ITGA1: variants seen among roughly 807,000 people sequenced by gnomAD.
ITGA1 encodes the protein integrin subunit alpha 1, also known as integrin alpha-1.
Under a neutral mutation model 145.9 loss-of-function variants are expected in ITGA1, and 85 were observed. That is an observed-to-expected ratio of 0.58 (90% CI 0.49 to 0.70). The LOEUF is 0.70. Ranked by LOEUF, ITGA1 falls within the 30% of genes least tolerant of loss-of-function variation. The pLI is 0.00. For missense variants in ITGA1, 1,351 were observed against 1,418.7 expected, an observed-to-expected ratio of 0.95 and a Z score of 0.77; for synonymous variants, 520 against 495.3, an observed-to-expected ratio of 1.05 and a Z score of -0.66.
intron 1 of ITGA1, among the ~76,000 whole-genome samples, chr5:52,835,511 G>A (rs1430959580): frequency 2.0e-5 from 3 of 152,148 alleles, no homozygotes; most frequent in South Asian, 4.1e-4. Flanking sequence ...AGGGAACTGC[G>A]CATATTGAAG....
intron 9 of ITGA1, among the ~76,000 whole-genome samples, chr5:52,895,788 C>CA (rs1750214759): frequency 6.6e-6 from 1 of 152,168 alleles, no homozygotes; most frequent in Non-Finnish European, 1.5e-5. Flanking sequence ...AGGAACTTTA[C>CA]AGATTACAAA....
intron 2 of ITGA1, 76 bp downstream of exon 2, chr5:52,849,561 T>C (rs1349941447): frequency 7.2e-6 from 9 of 1,243,334 alleles, no homozygotes; most frequent in Middle Eastern, 3.0e-4. Flanking sequence ...CTACAGTTTC[T>C]TTTATGAATG....
chr5:52,805,745 G>A (rs1748579227), intron 1 of ITGA1, among the ~76,000 whole-genome samples: 2 of 152,006 alleles, frequency 1.3e-5, no homozygotes, highest in South Asian at 4.2e-4. Flanking sequence ...CCATGGCCTT[G>A]TGCTCCCCAT....
chr5:52,919,132 C>G (rs1433439102), intron 16 of ITGA1, among the ~76,000 whole-genome samples: 2 of 152,116 alleles, frequency 1.3e-5, no homozygotes, highest in Non-Finnish European at 2.9e-5. Context: ...CCTCAACACT[C>G]CATAGTTTCT....
At chr5:52,829,978 C>G (rs1749033238) in intron 1 of ITGA1, among the ~76,000 whole-genome samples, 1 of 152,110 alleles carries the variant, frequency 6.6e-6, no homozygotes. Context: ...TGACATGTGG[C>G]TGATGATCAA....
rs1306352353 is a variant in ITGA1 at position 52,958,369 on chromosome 5, A to T, written c.*5918A>T. 9.9e-5 allele frequency: 15 copies of T among 152,232 alleles called. No homozygotes were observed. 9.4% of individuals were successfully genotyped at this position (152,232 alleles called of 1,614,324 possible). On this transcript the variant is annotated 3_prime_UTR_variant, in exon 29 of 29. Coordinates refer to ENST00000282588, the MANE Select transcript of ITGA1 (RefSeq NM_181501.2). ...AATACTAACACATGTACTTTGCATA[A>T]GTAAATTGTTGATTAAATAAGAGCA...
intron 14 of ITGA1, among the ~76,000 whole-genome samples, chr5:52,914,404 C>T (rs147644805): frequency 0.016 from 2,461 of 151,928 alleles, 76 homozygotes; most frequent in African/African-American, 0.055. Flanking sequence ...TTTGGGAGGC[C>T]GAGGCAGGCG....
At chr5:52,822,510 G>A (rs1261466278) in intron 1 of ITGA1, among the ~76,000 whole-genome samples, 1 of 152,204 alleles carries the variant, frequency 6.6e-6, no homozygotes, top group African/African-American at 2.4e-5. Flanking sequence ...TAGTTTCCTA[G>A]AAGAGCTGGA....
chr5:52,877,700 C>T (rs1445852817), intron 6 of ITGA1, among the ~76,000 whole-genome samples: 1 of 152,226 alleles, frequency 6.6e-6, no homozygotes, highest in Non-Finnish European at 1.5e-5. Context: ...GGAGCAGTCA[C>T]GGAGCCGTAA....
At chr5:52,881,213 A>G (rs1011405920) in intron 6 of ITGA1, among the ~76,000 whole-genome samples, 1 of 152,188 alleles carries the variant, frequency 6.6e-6, no homozygotes, top group African/African-American at 2.4e-5. Flanking sequence ...AGGCTACATA[A>G]CCTGATTATT....
intron 1 of ITGA1, among the ~76,000 whole-genome samples, chr5:52,833,207 C>T (rs1055506272): frequency 4.1e-5 from 6 of 147,984 alleles, no homozygotes; most frequent in African/African-American, 1.5e-4. Context: ...AAAAAAAATG[C>T]TTTGAAATTA....
At chr5:52,945,076 T>G (rs369048591) in intron 27 of ITGA1, 41 bp downstream of exon 27, 1 of 1,426,178 alleles carries the variant, frequency 7.0e-7, no homozygotes, top group Non-Finnish European at 9.9e-7. Context: ...TGCATTTCAC[T>G]CTGAATTTTG....
At position 52,799,975 on chromosome 5, in the gene ITGA1, A is replaced by C. The variant is rs547767853; in HGVS notation, c.61+11561A>C. The stretch of plus-strand genomic sequence containing the variant: ...TCTGTGCACCTTCTTGAGGGAGTTC[A>C]TTCGTCCGGAGCGCCTCACAGCTTA... On this transcript the variant is annotated intron_variant, in intron 1 of 28. Coordinates refer to ENST00000282588, the MANE Select transcript of ITGA1 (RefSeq NM_181501.2). 3 of 231,060 alleles carry C rather than the reference A, an allele frequency of 1.3e-5. No homozygotes were observed. The South Asian group carries it at 1.6e-4, about 12-fold the overall frequency. 14.3% of individuals were successfully genotyped at this position (231,060 alleles called of 1,614,324 possible).
intron 7 of ITGA1, among the ~76,000 whole-genome samples, chr5:52,886,346 C>T (rs1750046689): frequency 6.6e-6 from 1 of 152,206 alleles, no homozygotes; most frequent in Admixed American, 6.5e-5. Context: ...ATCCTTTTCC[C>T]CATTTCACCA....
chr5:52,805,223 G>A (rs993842499), intron 1 of ITGA1, among the ~76,000 whole-genome samples: 1 of 152,094 alleles, frequency 6.6e-6, no homozygotes, highest in Non-Finnish European at 1.5e-5. Flanking sequence ...AAGAACCTCC[G>A]TGCTACAAGA....
chr5:52,825,674 C>T (rs1190160187), intron 1 of ITGA1, among the ~76,000 whole-genome samples: 1 of 152,138 alleles, frequency 6.6e-6, no homozygotes, highest in Non-Finnish European at 1.5e-5. Context: ...AATCCCAGCA[C>T]TTTGGAAGGC....
chr5:52,836,739 A>G (rs1381613733), intron 1 of ITGA1, among the ~76,000 whole-genome samples: 1 of 152,114 alleles, frequency 6.6e-6, no homozygotes, highest in Non-Finnish European at 1.5e-5. Flanking sequence ...AGGTCATTCA[A>G]TCAAGCTCTT....
intron 1 of ITGA1, among the ~76,000 whole-genome samples, chr5:52,798,366 T>G (rs1748386884): frequency 1.3e-5 from 2 of 150,776 alleles, no homozygotes; most frequent in Admixed American, 6.6e-5. Flanking sequence ...GACTTTCCCC[T>G]TGGAGGGGAC....
At chr5:52,906,774 TA>T (rs1242306423) in intron 12 of ITGA1, among the ~76,000 whole-genome samples, 2 of 152,144 alleles carry the variant, frequency 1.3e-5, no homozygotes, top group Non-Finnish European at 2.9e-5. Flanking sequence ...CTCTCTAGAC[TA>T]GAGGGGCAGG....
Sources: gnomAD v4.1 joint callset for allele counts (sites outside exome capture counted in the v4.1 genomes callset) on GRCh38, gnomAD v4.1.1 for gene constraint, MANE v1.5 for transcripts, NCBI Gene and HGNC (gene_info 2026-07-23, HGNC 2026-07-21) for gene names.